INTS7: variants seen among roughly 807,000 people sequenced by gnomAD.
INTS7 encodes integrator complex subunit 7.
A neutral mutation model predicts 109.2 loss-of-function variants in INTS7; 46 were observed. The observed-to-expected ratio is 0.42, with a 90% CI of 0.33 to 0.54. INTS7 has a LOEUF of 0.54. INTS7 is among the 20% of genes least tolerant of loss of function. The pLI is 0.07. For missense variants in INTS7, 929 were observed against 1,132.4 expected, an observed-to-expected ratio of 0.82 and a Z score of 2.58; for synonymous variants, 412 against 402.9, an observed-to-expected ratio of 1.02 and a Z score of -0.27.
Position 212,015,606 on chromosome 1 carries a change from G to A in INTS7, c.509+1280C>T, listed in dbSNP as rs1446705881. Among the ~76,000 whole-genome samples the A allele has an allele frequency of 2.0e-5, 3 of 146,774 alleles. No individual in the cohort carries two copies. In the Admixed American group the frequency reaches 2.1e-4, roughly 10 times the overall value. ...GGGTCCTCTGCCTAGGAAAACCACA[G>A]ACCCTTGTTCACATGTTTATCTGCT... On this transcript the variant is annotated intron_variant, in intron 4 of 19. Transcript: ENST00000366994.
intron 1 of INTS7, among the ~76,000 whole-genome samples, chr1:212,032,101 A>C (rs1454224214): frequency 6.6e-6 from 1 of 152,192 alleles, no homozygotes; most frequent in Non-Finnish European, 1.5e-5. Context: ...GCTCATACCA[A>C]AAACCTCTAA....
At chr1:211,995,956 C>T (rs897874941) in intron 7 of INTS7, among the ~76,000 whole-genome samples, 3 of 152,132 alleles carry the variant, frequency 2.0e-5, no homozygotes, top group African/African-American at 7.2e-5. Context: ...GTAAGCAACA[C>T]AGGTTATGGT....
chr1:211,945,627 C>T (rs937997014), intron 18 of INTS7, among the ~76,000 whole-genome samples: 9 of 152,166 alleles, frequency 5.9e-5, no homozygotes, highest in African/African-American at 2.2e-4. Flanking sequence ...TTATCTAGAT[C>T]GTCAAATCTT....
At chr1:211,951,905 A>G (rs1476690951) in intron 17 of INTS7, among the ~76,000 whole-genome samples, 1 of 152,196 alleles carries the variant, frequency 6.6e-6, no homozygotes, top group African/African-American at 2.4e-5. Flanking sequence ...CTGTCCTGTG[A>G]CTGGGAAATC....
At chr1:211,991,642 C>T (rs1034809805) in intron 7 of INTS7, among the ~76,000 whole-genome samples, 1 of 152,188 alleles carries the variant, frequency 6.6e-6, no homozygotes, top group African/African-American at 2.4e-5. Context: ...TACAAAGCCA[C>T]TAAAAGTCAA....
In INTS7 at chr1:211,952,662, A is replaced by G. The variant is rs776008083; in HGVS notation, c.2223T>C (p.Asp741=). 3.7e-6 allele frequency: 6 copies of G among 1,612,914 alleles called. No individual in the cohort carries two copies. The highest frequency in any genetic ancestry group is 1.3e-5 in the African/African-American group (1 of 74,912). Residue 741 remains aspartate (D), a synonymous_variant, in exon 17 of 20, where the codon GAT becomes GAC. Transcript: ENST00000366994. The part of the protein sequence containing the change: ...EYGSTGTAHA[D]SEYERRMMSV... ...ACATCATTCTTCTTTCATATTCACTATCAGCATGGGCTGTTCCAGTAGATC... is the reference window on the plus strand; with the variant it reads ...ACATCATTCTTCTTTCATATTCACTGTCAGCATGGGCTGTTCCAGTAGATC...
In INTS7 at chr1:211,976,571, G is replaced by C. The variant is rs547892593; in HGVS notation, c.1608+11C>G. ...CCAGCAACCCAGTTCACTCAGAAGG[G>C]TAACACATACCATTCTGGAAGCCTG... On this transcript the variant is annotated intron_variant, in intron 12 of 19. Transcript: ENST00000366994. 6.2e-7 allele frequency: 1 copy of C among 1,611,366 alleles called. No individual in the cohort carries two copies. Among genetic ancestry groups the C allele is most frequent in the Admixed American group, 1.7e-5 (1 of 59,932 alleles).
intron 16 of INTS7, among the ~76,000 whole-genome samples, chr1:211,964,354 A>G (rs1302016308): frequency 6.6e-6 from 1 of 152,236 alleles, no homozygotes; most frequent in Non-Finnish European, 1.5e-5. Flanking sequence ...TTCCATGCTC[A>G]TGAATAGGAG....
chr1:211,988,069 C>A, intron 7 of INTS7, 66 bp from the exon 8 acceptor site: 1 of 768,872 alleles, frequency 1.3e-6, no homozygotes. Flanking sequence ...CTGTCTACTC[C>A]ATTTACATTT....
At position 212,021,124 on chromosome 1, in the gene INTS7, G is replaced by C; in HGVS notation, c.183C>G (p.Ile61Met). ...LFQKYPFPIL[I>M]NSAFLKLADV... ...CAGCTAACTTTAGGAATGCAGAATT[G>C]ATAAGAATAGGGAATGGATACTTCT... The change falls in exon 2 of 20, where the codon ATC becomes ATG. Residue 61 changes from isoleucine to methionine, a missense_variant. This residue lies in a region of INTS7 where 142 missense variants were observed against 231.4 expected (regional missense o/e 0.61). Transcript: ENST00000366994. The C allele has an allele frequency of 6.2e-7, 1 of 1,611,466 alleles. No individual in the cohort carries two copies. The highest frequency in any genetic ancestry group is 8.5e-7 in the Non-Finnish European group (1 of 1,178,362).
intron 7 of INTS7, among the ~76,000 whole-genome samples, chr1:212,004,290 C>A (rs1665806186): frequency 6.6e-6 from 1 of 151,908 alleles, no homozygotes; most frequent in Non-Finnish European, 1.5e-5. Flanking sequence ...TGCAGTAAGC[C>A]AAGACTGCAC....
intron 16 of INTS7, among the ~76,000 whole-genome samples, chr1:211,954,712 T>C (rs577943001): frequency 2.0e-5 from 3 of 152,360 alleles, no homozygotes; most frequent in East Asian, 3.9e-4. Context: ...GTTGTAGATA[T>C]GCGGCATTAT....
Position 212,015,894 on chromosome 1 carries a change from G to A in INTS7, c.509+992C>T, listed in dbSNP as rs188107906. The stretch of plus-strand genomic sequence containing the variant: ...CAAGATTTTGATATATATCCTTCTA[G>A]TCTTTTTTTCTATTGCATAAATACA... On this transcript the variant is annotated intron_variant, in intron 4 of 19. Coordinates refer to ENST00000366994, the MANE Select transcript of INTS7 (RefSeq NM_015434.4). Among the ~76,000 whole-genome samples, 870 of 151,694 alleles carry A rather than the reference G, an allele frequency of 5.7e-3. 5 individuals are homozygous for A. The highest frequency in any genetic ancestry group is 0.019 in the African/African-American group (805 of 41,388).
chr1:211,942,579 G>A lies in INTS7; in HGVS notation c.2602-468C>T, dbSNP rs773283454. Among the ~76,000 whole-genome samples, 21 of 152,236 alleles carry A rather than the reference G, an allele frequency of 1.4e-4. No individual in the cohort carries two copies. Among genetic ancestry groups the A allele is most frequent in the Admixed American group, 9.2e-4 (14 of 15,296 alleles). On this transcript the variant is annotated intron_variant, in intron 19 of 19. Transcript: ENST00000366994. The surrounding 1 kb of genome is among the most constrained non-coding windows in gnomAD (Gnocchi z 4.2). ...AGACTGAAAAAGAACAAAACACTAA[G>A]CAAATTTAAGTTAGGTTCCCCCCCA...
chr1:211,974,514 T>A (rs867103227), intron 13 of INTS7, among the ~76,000 whole-genome samples: 2 of 151,942 alleles, frequency 1.3e-5, no homozygotes, highest in African/African-American at 4.8e-5. Context: ...ACAGTATTTT[T>A]AAAATGTTTA....
intron 7 of INTS7, among the ~76,000 whole-genome samples, chr1:212,004,260 T>G (rs1665805414): frequency 6.6e-6 from 1 of 152,118 alleles, no homozygotes; most frequent in African/African-American, 2.4e-5. Flanking sequence ...GAGGATGGCT[T>G]GAACCCTGGA....
chr1:211,988,511 T>C (rs1326463305), intron 7 of INTS7, among the ~76,000 whole-genome samples: 1 of 151,866 alleles, frequency 6.6e-6, no homozygotes, highest in Non-Finnish European at 1.5e-5. Flanking sequence ...GTAAACTATG[T>C]TGATACATAA....
rs763278338 is a variant in INTS7, at chr1:211,987,943, C to G, written c.940G>C (p.Val314Leu). 1 of 1,613,120 alleles carries G rather than the reference C, an allele frequency of 6.2e-7. No homozygotes were observed. Among genetic ancestry groups the G allele is most frequent in the Non-Finnish European group, 8.5e-7 (1 of 1,179,224 alleles). ...ATGGTCCCTGATAGTGTGGAAAGGA[C>G]AGACAACATCCCTAGTTTTAAGCTG... Reference protein sequence around the residue: ...YDSLKLGMLSVLSTLSGTIAI... With the variant: ...YDSLKLGMLSLLSTLSGTIAI... Residue 314 changes from valine (V) to leucine (L), a missense_variant, in exon 8 of 20, where the codon GTC (valine) becomes CTC (leucine). By Grantham distance (32) the Val-to-Leu change is conservative. Transcript: ENST00000366994.
intron 16 of INTS7, chr1:211,966,002 G>T (rs1191305524): frequency 1.3e-5 from 2 of 154,350 alleles, no homozygotes; most frequent in East Asian, 1.9e-4. Flanking sequence ...AAAAGAAAAA[G>T]GAATCATTCT....
Sources: allele counts gnomAD v4.1 joint callset (sites outside exome capture counted in the v4.1 genomes callset), GRCh38; gene constraint gnomAD v4.1.1; regional missense constraint gnomAD v4.1.1; non-coding constraint Gnocchi (gnomAD v3.1); transcripts MANE v1.5; gene names NCBI Gene and HGNC (gene_info 2026-07-23, HGNC 2026-07-21).